The following KIF26B variants were observed in gnomAD, a reference collection of about 807,000 sequenced individuals.
KIF26B encodes kinesin-like protein KIF26B.
In KIF26B, 63 loss-of-function variants were observed where a neutral mutation model predicts 151.2. That is an observed-to-expected ratio of 0.42 (90% CI 0.34 to 0.51). The LOEUF (loss-of-function observed/expected upper bound fraction) is 0.51, where lower values mean the gene tolerates loss of function less well. Ranked by LOEUF, KIF26B falls within the 20% of genes least tolerant of loss-of-function variation. The pLI, the probability that KIF26B is intolerant of heterozygous loss-of-function variation, is 0.07. For missense variants in KIF26B, 2,813 were observed against 2,913.6 expected (o/e 0.97, Z 0.79); for synonymous variants, 1,357 against 1,262.1 (o/e 1.08, Z -1.59).
At position 245,245,233 on chromosome 1, in the gene KIF26B, T is replaced by G. The variant is rs1670304154; in HGVS notation, c.465+88550T>G. ...TGAGCGATCTGGCCTTTGTCCCTGATGCCTAATCTGCCTGTTTGTCTCTCT... is the reference window on the plus strand; with the variant it reads ...TGAGCGATCTGGCCTTTGTCCCTGAGGCCTAATCTGCCTGTTTGTCTCTCT... On this transcript the variant is annotated intron_variant, in intron 2 of 14. Coordinates refer to ENST00000407071, the MANE Select transcript of KIF26B (RefSeq NM_018012.4). 2.0e-5 allele frequency among the ~76,000 whole-genome samples: 3 copies of G among 152,320 alleles called. No homozygotes were observed. The South Asian group carries it at 6.2e-4, about 32-fold the overall frequency.
intron 5 of KIF26B, among the ~76,000 whole-genome samples, chr1:245,545,023 G>A (rs1661706765): frequency 6.6e-6 from 1 of 152,122 alleles, no homozygotes; most frequent in Non-Finnish European, 1.5e-5. Context: ...TGGAGTTGAG[G>A]CATGCACACG....
intron 5 of KIF26B, among the ~76,000 whole-genome samples, chr1:245,554,293 A>AT (rs977354928): frequency 2.6e-5 from 4 of 152,212 alleles, no homozygotes; most frequent in Admixed American, 2.6e-4. Flanking sequence ...ATGCTTAGCC[A>AT]TATGTCAGAC....
At chr1:245,565,275 T>C (rs1358503656) in intron 5 of KIF26B, among the ~76,000 whole-genome samples, 1 of 150,080 alleles carries the variant, frequency 6.7e-6, no homozygotes, top group Non-Finnish European at 1.5e-5. Flanking sequence ...TATTCTGTTG[T>C]TTTTTTTGGG....
chr1:245,271,220 G>A (rs966783438), intron 2 of KIF26B, among the ~76,000 whole-genome samples: 1 of 152,094 alleles, frequency 6.6e-6, no homozygotes, highest in East Asian at 1.9e-4. Context: ...TCTTCAGATT[G>A]TTTTGGCTAT....
chr1:245,686,180 C>A lies in KIF26B; in HGVS notation c.3197C>A (p.Pro1066His), dbSNP rs762124929. ...GGCAAGCCCAGGCCCATGGGCTCCC[C>A]CCGGCTGGGCATCGCCAGCCTGTCC... ...VEGKPRPMGSPRLGIASLSKT... is the reference protein window; with the variant it reads ...VEGKPRPMGSHRLGIASLSKT... The change falls in exon 12 of 15, where the codon CCC (proline) becomes CAC (histidine). Residue 1066 changes from proline (P) to histidine (H), a missense_variant. This residue lies in a region of KIF26B where 2,060 missense variants were observed against 2,088.6 expected (regional missense o/e 0.99). Coordinates refer to ENST00000407071, the MANE Select transcript of KIF26B (RefSeq NM_018012.4). The surrounding 1 kb of genome is among the most constrained non-coding windows in gnomAD (Gnocchi z 5.6). The A allele has an allele frequency of 2.5e-6, 4 of 1,612,384 alleles. No individual in the cohort carries two copies. Among genetic ancestry groups the A allele is most frequent in the South Asian group, 2.2e-5 (2 of 91,078 alleles).
chr1:245,211,282 G>A (rs770695053), intron 2 of KIF26B, among the ~76,000 whole-genome samples: 1 of 152,160 alleles, frequency 6.6e-6, no homozygotes, highest in Non-Finnish European at 1.5e-5. Flanking sequence ...GCAGTAGAAA[G>A]TCTCTCCCTG....
intron 5 of KIF26B, among the ~76,000 whole-genome samples, chr1:245,596,320 A>G (rs182134756): frequency 6.6e-6 from 1 of 152,160 alleles, no homozygotes; most frequent in Non-Finnish European, 1.5e-5. Flanking sequence ...CCCTCTAAAC[A>G]TTGCTTTAAA....
chr1:245,244,970 A>G lies in KIF26B; in HGVS notation c.465+88287A>G, dbSNP rs995866570. Among the ~76,000 whole-genome samples the G allele has an allele frequency of 2.0e-5, 3 of 152,136 alleles. No individual in the cohort carries two copies. Among genetic ancestry groups the G allele is most frequent in the African/African-American group, 7.2e-5 (3 of 41,410 alleles). Reference sequence around the variant, plus strand: ...TGAAATCGGCTGAAAAGAGGATGAAATGTTTTAAACGCTCAAGAATTTCCA... The same window carrying G: ...TGAAATCGGCTGAAAAGAGGATGAAGTGTTTTAAACGCTCAAGAATTTCCA... On this transcript the variant is annotated intron_variant, in intron 2 of 14. Transcript: ENST00000407071. The surrounding 1 kb of genome is among the most constrained non-coding windows in gnomAD (Gnocchi z 4.2).
Position 245,606,789 on chromosome 1 carries a change from G to A in KIF26B, c.1558-862G>A, listed in dbSNP as rs541970734. On this transcript the variant is annotated intron_variant, in intron 6 of 14. Coordinates refer to ENST00000407071, the MANE Select transcript of KIF26B (RefSeq NM_018012.4). The surrounding 1 kb of genome is among the most constrained non-coding windows in gnomAD (Gnocchi z 4.6). The stretch of plus-strand genomic sequence containing the variant: ...TTGAAAAGAGGAGCATGGGACGGGC[G>A]CAGTGGCTCACGCCTGTAATCCCAG... 2.9e-4 allele frequency among the ~76,000 whole-genome samples: 44 copies of A among 152,306 alleles called. 2 individuals carry two copies. The South Asian group carries it at 8.1e-3, about 28-fold the overall frequency.
At chr1:245,465,123 C>T (rs1410138213) in intron 4 of KIF26B, among the ~76,000 whole-genome samples, 6 of 84,614 alleles carry the variant, frequency 7.1e-5, no homozygotes, top group South Asian at 3.6e-4. Context: ...GGACTACAGG[C>T]GCCCGCCACC....
In KIF26B at chr1:245,540,469, A is replaced by T. The variant is rs2103102401; in HGVS notation, c.1167-298A>T. On this transcript the variant is annotated intron_variant, in intron 4 of 14. Coordinates refer to ENST00000407071, the MANE Select transcript of KIF26B (RefSeq NM_018012.4). The surrounding 1 kb of genome is among the most constrained non-coding windows in gnomAD (Gnocchi z 4.6). ...GGTGCCCTTATCCCCAAAGATGCCCAGCTTTGTTCCTGCTTAAGCTGAATG... is the reference window on the plus strand; with the variant it reads ...GGTGCCCTTATCCCCAAAGATGCCCTGCTTTGTTCCTGCTTAAGCTGAATG... The T allele has an allele frequency of 5.0e-6, 3 of 604,942 alleles. No homozygotes were observed. The highest frequency in any genetic ancestry group is 4.6e-5 in the South Asian group (3 of 65,466). 37.5% of individuals were successfully genotyped at this position (604,942 alleles called of 1,614,324 possible).
chr1:245,464,364 C>G (rs1316875077), intron 4 of KIF26B, among the ~76,000 whole-genome samples: 1 of 151,040 alleles, frequency 6.6e-6, no homozygotes, highest in Non-Finnish European at 1.5e-5. Flanking sequence ...TGGGTGTGTG[C>G]GTGTGTGGGT....
chr1:245,298,930 A>T (rs541441261), intron 2 of KIF26B, among the ~76,000 whole-genome samples: 10 of 152,234 alleles, frequency 6.6e-5, no homozygotes, highest in Non-Finnish European at 1.5e-4. Context: ...TTCACAGTTG[A>T]TTGGGTAAGG....
chr1:245,168,012 G>A (rs1025032963), intron 2 of KIF26B, among the ~76,000 whole-genome samples: 2 of 152,196 alleles, frequency 1.3e-5, no homozygotes, highest in East Asian at 1.9e-4. Context: ...CCTGCTTCCA[G>A]CACTGATAAG....
At chr1:245,161,639 C>T (rs1303979949) in intron 2 of KIF26B, among the ~76,000 whole-genome samples, 2 of 152,198 alleles carry the variant, frequency 1.3e-5, no homozygotes, top group Non-Finnish European at 2.9e-5. Context: ...CTGAAACACA[C>T]ACACACATAA....
chr1:245,254,151 G>T (rs1424006973), intron 2 of KIF26B, among the ~76,000 whole-genome samples: 1 of 152,044 alleles, frequency 6.6e-6, no homozygotes, highest in East Asian at 1.9e-4. Flanking sequence ...GCATTTTCTA[G>T]ATCATTCAAT....
At chr1:245,461,406 C>T (rs1401435911) in intron 4 of KIF26B, among the ~76,000 whole-genome samples, 1 of 152,054 alleles carries the variant, frequency 6.6e-6, no homozygotes, top group Non-Finnish European at 1.5e-5. Flanking sequence ...CTCAGCCTCC[C>T]AGGTAGCTAG....
intron 4 of KIF26B, among the ~76,000 whole-genome samples, chr1:245,538,205 G>A (rs1176551129): frequency 6.6e-6 from 1 of 152,140 alleles, no homozygotes; most frequent in African/African-American, 2.4e-5. Flanking sequence ...ATGAGTCATG[G>A]GACACATGCC....
rs376901164 is a variant in KIF26B at position 245,687,901 on chromosome 1, G to C, written c.4918G>C (p.Glu1640Gln). Residue 1640 changes from glutamate to glutamine, a missense_variant, in exon 12 of 15, where the codon GAG becomes CAG. Physicochemically the swap from Glu to Gln is conservative, Grantham distance 29 (BLOSUM62 2). Around this residue, in one of 3 missense-constraint regions of KIF26B, gnomAD observed 2,060 missense variants for 2,088.6 expected, o/e 0.99. Transcript: ENST00000407071. This position sits in a 1 kb window ranked among gnomAD's most constrained non-coding sequence, Gnocchi z 4.9. ...CGCCTTCCCGGCGGGCCTCCCAGAC[G>C]AGCCTAGCGGCAAGACGAAGGACGC... ...PAAFPAGLPD[E>Q]PSGKTKDASS... 48 of 1,591,066 alleles carry C rather than the reference G, an allele frequency of 3.0e-5. No homozygotes were observed. The East Asian group carries it at 5.1e-4, about 17-fold the overall frequency.
Sources: gnomAD v4.1 joint callset for allele counts (sites outside exome capture counted in the v4.1 genomes callset) on GRCh38, gnomAD v4.1.1 for gene constraint, gnomAD v4.1.1 regional missense constraint, Gnocchi (gnomAD v3.1) non-coding constraint, MANE v1.5 for transcripts, NCBI Gene and HGNC (gene_info 2026-07-23, HGNC 2026-07-21) for gene names.